The following NAA60 variants were observed in gnomAD, a reference collection of about 807,000 sequenced individuals.
NAA60 encodes the protein N-alpha-acetyltransferase 60.
In NAA60, 8 loss-of-function variants were observed where a neutral mutation model predicts 26.1. The observed-to-expected ratio is 0.31, with a 90% CI of 0.18 to 0.55. The LOEUF (loss-of-function observed/expected upper bound fraction) is 0.55. Ranked by LOEUF, NAA60 falls within the 20% of genes least tolerant of loss-of-function variation. NAA60 has a pLI of 0.93. For synonymous variants in NAA60, 131 were observed against 122.5 expected, an observed-to-expected ratio of 1.07 and a Z score of -0.46; for missense variants, 290 against 311.3, an observed-to-expected ratio of 0.93 and a Z score of 0.51.
At chr16:3,484,519 G>A (rs1224385967) in intron 6 of NAA60, 180 bp from the exon 7 acceptor site, 2 of 765,594 alleles carry the variant, frequency 2.6e-6, no homozygotes, top group Non-Finnish European at 4.1e-6. Context: ...GTTTTGCACA[G>A]CAGAGGCCAC....
chr16:3,479,664 C>T lies in NAA60; in HGVS notation c.240+64C>T, dbSNP rs527691236. The T allele has an allele frequency of 2.0e-5, 32 of 1,572,390 alleles. No homozygotes were observed. The African/African-American group carries it at 3.0e-4, about 15-fold the overall frequency. On this transcript the variant is annotated intron_variant, in intron 4 of 7. Transcript: ENST00000407558. ...TCATTGGACGGGCCAAGGGGGCTTG[C>T]GATGGAATCATGCTGCCTGCTCCAC...
chr16:3,479,323 A>C, intron 3 of NAA60, 148 bp from the exon 4 acceptor site: 3 of 700,354 alleles, frequency 4.3e-6, no homozygotes, highest in Non-Finnish European at 7.1e-6. Flanking sequence ...ACAGTTAGGT[A>C]GAGACTTAAG....
rs1162605305 is a variant in NAA60 at position 3,465,587 on chromosome 16, C to T, written c.-6-10635C>T. 2.6e-5 allele frequency among the ~76,000 whole-genome samples: 4 copies of T among 152,174 alleles called. No homozygotes were observed. In the East Asian group the frequency reaches 7.7e-4, roughly 29 times the overall value. The stretch of plus-strand genomic sequence containing the variant: ...TTAGTACAGCAACCTCAGACAGCTT[C>T]CTCTCTGGGGGGACCCTGCGTGTCT... On this transcript the variant is annotated intron_variant, in intron 2 of 7. Transcript: ENST00000407558.
At chr16:3,481,461 G>C (rs1417886462) in intron 4 of NAA60, among the ~76,000 whole-genome samples, 2 of 151,730 alleles carry the variant, frequency 1.3e-5, no homozygotes, top group South Asian at 4.2e-4. Context: ...ATCCCCCTCC[G>C]GGTGGCTTTC....
At chr16:3,457,908 CCCGCTCCCAACCTG>C (rs1226954989) in intron 2 of NAA60, 33 of 390,132 alleles carry the variant, frequency 8.5e-5, no homozygotes, top group Non-Finnish European at 9.6e-5. Context: ...ACGGAGCCTG[CCCGCTCCCAACCTG>C]CCCGCTCCCA....
chr16:3,457,524 G>C (rs1239280984), intron 2 of NAA60, among the ~76,000 whole-genome samples: 1 of 152,248 alleles, frequency 6.6e-6, no homozygotes, highest in Non-Finnish European at 1.5e-5. Context: ...GTTTTACTCA[G>C]GGACAGCCCT....
Position 3,485,037 on chromosome 16 carries a change from C to T in NAA60, c.*182C>T, listed in dbSNP as rs1216374011. 13 of 1,510,086 alleles carry T rather than the reference C, an allele frequency of 8.6e-6. No homozygotes were observed. Among genetic ancestry groups the T allele is most frequent in the South Asian group, 2.4e-5 (2 of 82,666 alleles). The allele number at this position is 1,510,086 out of a possible 1,614,324, so 93.5% of individuals were successfully genotyped here. On this transcript the variant is annotated 3_prime_UTR_variant, in exon 7 of 8. Coordinates refer to ENST00000407558, the MANE Select transcript of NAA60 (RefSeq NM_001083601.3). ...TCGGGAACAGAACATCGTGGGCATG[C>T]GCAGAGCATGCCCATCCGTGGCAGG...
At chr16:3,458,171 T>A in intron 2 of NAA60, 1 of 983,174 alleles carries the variant, frequency 1.0e-6, no homozygotes, top group South Asian at 4.7e-5. Context: ...GGCCGCCGGC[T>A]CCCCCACGAG....
chr16:3,473,465 G>GT, intron 2 of NAA60, among the ~76,000 whole-genome samples: 1 of 152,190 alleles, frequency 6.6e-6, no homozygotes, highest in African/African-American at 2.4e-5. Context: ...CACAAGAACA[G>GT]TATGGGCGAA....
intron 2 of NAA60, among the ~76,000 whole-genome samples, chr16:3,452,072 G>C (rs919625973): frequency 2.6e-5 from 4 of 152,048 alleles, no homozygotes; most frequent in Non-Finnish European, 5.9e-5. Context: ...AATTAGCCAG[G>C]TATGGTGGCG....
intron 1 of NAA60, chr16:3,447,431 T>C: frequency 1.0e-6 from 1 of 983,626 alleles, no homozygotes; most frequent in African/African-American, 1.7e-5. Context: ...ATGTTTAACA[T>C]GATTTCCAGA....
chr16:3,463,384 C>CCA (rs544741243), intron 2 of NAA60, among the ~76,000 whole-genome samples: 2 of 139,194 alleles, frequency 1.4e-5, no homozygotes, highest in African/African-American at 5.2e-5. Context: ...CCCGTCTCTA[C>CCA]AAAAAAAAAA....
intron 2 of NAA60, among the ~76,000 whole-genome samples, chr16:3,466,115 C>G (rs975938147): frequency 6.6e-6 from 1 of 152,236 alleles, no homozygotes; most frequent in Non-Finnish European, 1.5e-5. Context: ...ACATCGCCAT[C>G]GCGCTTCTCA....
Position 3,484,744 on chromosome 16 carries a change from C to T in NAA60, c.618C>T (p.Pro206=), listed in dbSNP as rs1342059175. The change falls in exon 7 of 8, where the codon CCC becomes CCT. Residue 206 remains proline, a synonymous_variant. Coordinates refer to ENST00000407558, the MANE Select transcript of NAA60 (RefSeq NM_001083601.3). The part of the protein sequence containing the change: ...HLGSALASLS[P]CSIPHRVYRQ... ...GCTCTGCACTAGCCAGCCTGAGCCC[C>T]TGCTCCATTCCGCACAGAGTCTACC... is the stretch of plus-strand genomic sequence containing the variant. The T allele has an allele frequency of 1.3e-6, 2 of 1,595,804 alleles. No homozygotes were observed. The highest frequency in any genetic ancestry group is 8.5e-7 in the Non-Finnish European group (1 of 1,172,140).
Position 3,482,573 on chromosome 16 carries a change from G to A in NAA60, c.312G>A (p.Val104=). 1 of 1,607,916 alleles carries A rather than the reference G, an allele frequency of 6.2e-7. No homozygotes were observed. Residue 104 remains valine, a synonymous_variant, in exon 5 of 8, where the codon GTG becomes GTA. Coordinates refer to ENST00000407558, the MANE Select transcript of NAA60 (RefSeq NM_001083601.3). Reference sequence around the variant, plus strand: ...CGTACATCCTAAGTCTGGGCGTCGTGAAAGAGTTCAGGAAGCACGGCATAG... The same window carrying A: ...CGTACATCCTAAGTCTGGGCGTCGTAAAAGAGTTCAGGAAGCACGGCATAG... The part of the protein sequence containing the change: ...QVAYILSLGV[V]KEFRKHGIGS...
intron 2 of NAA60, among the ~76,000 whole-genome samples, chr16:3,462,274 A>G (rs2035461358): frequency 6.6e-6 from 1 of 152,146 alleles, no homozygotes; most frequent in African/African-American, 2.4e-5. Context: ...ATTTCATTTT[A>G]TAAAATAGTA....
At chr16:3,463,441 C>T (rs1439887998) in intron 2 of NAA60, among the ~76,000 whole-genome samples, 2 of 149,964 alleles carry the variant, frequency 1.3e-5, no homozygotes, top group African/African-American at 4.9e-5. Context: ...CTGTCAGCTA[C>T]TTGCGGAGGC....
chr16:3,483,347 A>T lies in NAA60; in HGVS notation c.338-16A>T, dbSNP rs1352178673. The T allele has an allele frequency of 1.3e-6, 2 of 1,572,912 alleles. No individual in the cohort carries two copies. The highest frequency in any genetic ancestry group is 1.1e-5 in the South Asian group (1 of 87,396). On this transcript the variant is annotated splice_polypyrimidine_tract_variant and intron_variant, in intron 5 of 7. Transcript: ENST00000407558. ...TAACTGCTCTGCCTGCATTACCTTT[A>T]CCTCTTCTCCCCAAGGTTCCCTCTT...
chr16:3,450,022 C>G, intron 2 of NAA60: 1 of 374,056 alleles, frequency 2.7e-6, no homozygotes. Flanking sequence ...CAGACTAATA[C>G]ATCGTCTCAA....
Sources: allele counts gnomAD v4.1 joint callset (sites outside exome capture counted in the v4.1 genomes callset), GRCh38; gene constraint gnomAD v4.1.1; transcripts MANE v1.5; gene names NCBI Gene and HGNC (gene_info 2026-07-23, HGNC 2026-07-21).